Variants in CHD6 observed in about 807,000 individuals in gnomAD.
CHD6 encodes ATP-dependent chromatin remodeler CHD6.
Under a neutral mutation model 276.9 loss-of-function variants are expected in CHD6, and 50 were observed. The ratio of observed to expected loss-of-function variants is 0.18; its 90% confidence interval spans 0.14 to 0.23. The LOEUF (loss-of-function observed/expected upper bound fraction) is 0.23, where lower values mean the gene tolerates loss of function less well. CHD6 is among the 10% of genes least tolerant of loss of function. The pLI is 1.00. For missense variants in CHD6, 2,564 were observed against 3,365.8 expected (o/e 0.76, Z 5.89); for synonymous variants, 1,173 against 1,229.3 (o/e 0.95, Z 0.96).
intron 2 of CHD6, among the ~76,000 whole-genome samples, chr20:41,544,813 T>C (rs976086363): frequency 7.3e-5 from 11 of 151,634 alleles, no homozygotes; most frequent in South Asian, 2.1e-4. Context: ...TACTATATCA[T>C]AGTAATATAT....
intron 1 of CHD6, among the ~76,000 whole-genome samples, chr20:41,616,818 ACT>A (rs923205908): frequency 6.6e-5 from 10 of 151,428 alleles, no homozygotes; most frequent in East Asian, 5.8e-4. Context: ...GTTCACAAAA[ACT>A]CTCTCTCTGA....
At chr20:41,611,203 G>C (rs2045883909) in intron 1 of CHD6, among the ~76,000 whole-genome samples, 1 of 152,082 alleles carries the variant, frequency 6.6e-6, no homozygotes, top group South Asian at 2.1e-4. Context: ...ACTCATTTTA[G>C]GTTAAAGGAC....
intron 3 of CHD6, 98 bp from the exon 4 acceptor site, chr20:41,515,050 G>A: frequency 1.5e-6 from 2 of 1,294,778 alleles, no homozygotes; most frequent in South Asian, 1.4e-5. Flanking sequence ...GGAATTCTAG[G>A]ACCAGGGCAG....
intron 2 of CHD6, among the ~76,000 whole-genome samples, chr20:41,549,229 A>T (rs1162933594): frequency 6.6e-6 from 1 of 152,026 alleles, no homozygotes; most frequent in Non-Finnish European, 1.5e-5. Context: ...AATAGCAAAG[A>T]CTTGGAACCA....
In CHD6 at chr20:41,445,717, G is replaced by A; in HGVS notation, c.3825C>T (p.Asp1275=). 6.2e-7 allele frequency: 1 copy of A among 1,613,908 alleles called. No homozygotes were observed. The highest frequency in any genetic ancestry group is 8.5e-7 in the Non-Finnish European group (1 of 1,179,842). The change falls in exon 25 of 37, where the codon GAC becomes GAT. Residue 1275 remains aspartate (D), a synonymous_variant. Transcript: ENST00000373233. ...ACTTATCGGCTTCAGCATCCCACCA[G>A]TCCACTGGGATCTCCATGTAGTCGA... ...PDIDYMEIPV[D]WWDAEADKSL... is the part of the protein sequence containing the mutation.
chr20:41,430,905 G>C (rs1296743102), intron 27 of CHD6, among the ~76,000 whole-genome samples: 1 of 149,046 alleles, frequency 6.7e-6, no homozygotes, highest in Non-Finnish European at 1.5e-5. Context: ...TGTCGCCCAG[G>C]CTGGAGTGTG....
rs532807636 is a variant in CHD6 at position 41,537,677 on chromosome 20, G to C, written c.34-4107C>G. Among the ~76,000 whole-genome samples, 4 of 152,204 alleles carry C rather than the reference G, an allele frequency of 2.6e-5. No homozygotes were observed. In the South Asian group the frequency reaches 8.3e-4, roughly 32 times the overall value. ...AAAGAACCAAATTCAAGGCCACAAC[G>C]AGATACTATTTTATACCCACCTAAG... On this transcript the variant is annotated intron_variant, in intron 2 of 36. Coordinates refer to ENST00000373233, the MANE Select transcript of CHD6 (RefSeq NM_032221.5).
intron 1 of CHD6, among the ~76,000 whole-genome samples, chr20:41,613,693 G>C (rs2045909698): frequency 6.6e-6 from 1 of 152,220 alleles, no homozygotes; most frequent in African/African-American, 2.4e-5. Context: ...AGTTGTTCTA[G>C]AATGACCTAA....
At chr20:41,449,746 ATAGCT>A (rs2145650840) in intron 23 of CHD6, among the ~76,000 whole-genome samples, 1 of 152,340 alleles carries the variant, frequency 6.6e-6, no homozygotes, top group South Asian at 2.1e-4. Flanking sequence ...GCAAACATGT[ATAGCT>A]TAATGAATTC....
intron 23 of CHD6, among the ~76,000 whole-genome samples, chr20:41,449,902 T>C (rs978200775): frequency 2.6e-5 from 4 of 152,230 alleles, no homozygotes; most frequent in African/African-American, 9.6e-5. Context: ...AGCTTAGATT[T>C]GAAGCAGTGC....
chr20:41,594,839 A>T (rs747682088), intron 1 of CHD6, among the ~76,000 whole-genome samples: 2 of 152,192 alleles, frequency 1.3e-5, no homozygotes, highest in East Asian at 3.9e-4. Context: ...ACTCCACCCA[A>T]TGGGGGAAAG....
chr20:41,577,340 C>A (rs1025667852), intron 1 of CHD6, among the ~76,000 whole-genome samples: 1 of 152,122 alleles, frequency 6.6e-6, no homozygotes, highest in African/African-American at 2.4e-5. Flanking sequence ...CGCTTTGTAA[C>A]AAGCAGCTTT....
rs2045174617 is a variant in CHD6, at chr20:41,553,383, C to T, written c.-23-2023G>A. Among the ~76,000 whole-genome samples, 3 of 152,196 alleles carry T rather than the reference C, an allele frequency of 2.0e-5. No homozygotes were observed. In the South Asian group the frequency reaches 6.2e-4, roughly 31 times the overall value. On this transcript the variant is annotated intron_variant, in intron 1 of 36. Coordinates refer to ENST00000373233, the MANE Select transcript of CHD6 (RefSeq NM_032221.5). ...TTGGGCTAATAACTCTTTGTCAGGC[C>T]CTGTCCTAAGTAACTGTTGGACATG... is the stretch of plus-strand genomic sequence containing the variant.
chr20:41,608,592 T>C (rs987021223), intron 1 of CHD6, among the ~76,000 whole-genome samples: 2 of 152,078 alleles, frequency 1.3e-5, no homozygotes, highest in African/African-American at 2.4e-5. Context: ...AAAATGAAAA[T>C]TGAATTCTAA....
intron 17 of CHD6, among the ~76,000 whole-genome samples, chr20:41,460,757 G>A (rs1283844130): frequency 2.6e-5 from 4 of 152,226 alleles, no homozygotes; most frequent in South Asian, 2.1e-4. Context: ...AGAGCAGTGC[G>A]GAAGGGAAAT....
At position 41,452,095 on chromosome 20, in the gene CHD6, G is replaced by C; in HGVS notation, c.3324-70C>G. ...GGCCATGCAGGCAGCCTCCCCACAG[G>C]AGGAGAAACAAGAGCCATACATGCT... On this transcript the variant is annotated intron_variant, in intron 21 of 36. Coordinates refer to ENST00000373233, the MANE Select transcript of CHD6 (RefSeq NM_032221.5). This position sits in a 1 kb window ranked among gnomAD's most constrained non-coding sequence, Gnocchi z 4.2. 1 of 1,189,906 alleles carries C rather than the reference G, an allele frequency of 8.4e-7. No individual in the cohort carries two copies. Among genetic ancestry groups the C allele is most frequent in the Non-Finnish European group, 1.2e-6 (1 of 807,094 alleles). 73.7% of individuals were successfully genotyped at this position (1,189,906 alleles called of 1,614,324 possible).
At chr20:41,416,244 G>A in intron 33 of CHD6, among the ~76,000 whole-genome samples, 1 of 152,030 alleles carries the variant, frequency 6.6e-6, no homozygotes, top group East Asian at 1.9e-4. Flanking sequence ...TAGTCATGGG[G>A]TCATCTTTGC....
At chr20:41,525,590 C>G (rs1454222097) in intron 3 of CHD6, among the ~76,000 whole-genome samples, 2 of 152,188 alleles carry the variant, frequency 1.3e-5, no homozygotes, top group African/African-American at 4.8e-5. Flanking sequence ...CCCCTCTGTT[C>G]TTCCTATCAT....
chr20:41,547,626 G>A, intron 2 of CHD6: 1 of 611,036 alleles, frequency 1.6e-6, no homozygotes. Flanking sequence ...GAACAGACAG[G>A]CCCAGATTGA....
Sources: allele counts gnomAD v4.1 joint callset (sites outside exome capture counted in the v4.1 genomes callset), GRCh38; gene constraint gnomAD v4.1.1; non-coding constraint Gnocchi (gnomAD v3.1); transcripts MANE v1.5; gene names NCBI Gene and HGNC (gene_info 2026-07-23, HGNC 2026-07-21).